Variants in ERBB3 observed in about 807,000 individuals in gnomAD.
ERBB3 encodes erb-b2 receptor tyrosine kinase 3.
ERBB3 carries 96 observed loss-of-function variants against 156.7 expected under a neutral mutation model. That is an observed-to-expected ratio of 0.61 (90% confidence interval 0.52 to 0.73). The LOEUF (loss-of-function observed/expected upper bound fraction) is 0.73. ERBB3 is among the 30% of genes least tolerant of loss of function. The probability of loss-of-function intolerance (pLI) is 0.00; values close to 1 mark genes in which losing one functional copy is unlikely to be tolerated. For synonymous variants in ERBB3, 567 were observed against 632.0 expected, an observed-to-expected ratio of 0.90 and a Z score of 1.54; for missense variants, 1,406 against 1,709.4, an observed-to-expected ratio of 0.82 and a Z score of 3.13.
At chr12:56,100,370 G>A in intron 26 of ERBB3, 125 bp downstream of exon 26, 1 of 819,914 alleles carries the variant, frequency 1.2e-6, no homozygotes, top group African/African-American at 1.7e-5. Context: ...GGCCGGGCGA[G>A]TTGGCTCACA....
At chr12:56,100,732 G>T (rs1869063252) in intron 26 of ERBB3, among the ~76,000 whole-genome samples, 1 of 151,212 alleles carries the variant, frequency 6.6e-6, no homozygotes, top group African/African-American at 2.4e-5. Flanking sequence ...ATGAGGTCAG[G>T]AGTTCGAGAC....
Position 56,088,123 on chromosome 12 carries a change from A to G in ERBB3, c.835A>G (p.Lys279Glu). 6.2e-7 allele frequency: 1 copy of G among 1,614,064 alleles called. No homozygotes were observed. Among genetic ancestry groups the G allele is most frequent in the Non-Finnish European group, 8.5e-7 (1 of 1,179,954 alleles). ...TFQLEPNPHT[K>E]YQYGGVCVAS... ...CCAGCTGGAACCCAATCCCCACACC[A>G]AGTATCAGTATGGAGGAGTTTGTGT... The change falls in exon 7 of 28, where the codon AAG becomes GAG. Residue 279 changes from lysine to glutamate, a missense_variant. By Grantham distance (56) the Lys-to-Glu change is moderately conservative (BLOSUM62 1). Around this residue, in one of 3 missense-constraint regions of ERBB3, gnomAD observed 979 missense variants for 1,219.6 expected, o/e 0.80. Coordinates refer to ENST00000267101, the MANE Select transcript of ERBB3 (RefSeq NM_001982.4).
chr12:56,089,618 G>A (rs1441707094), intron 9 of ERBB3, among the ~76,000 whole-genome samples: 2 of 151,966 alleles, frequency 1.3e-5, no homozygotes, highest in Non-Finnish European at 2.9e-5. Context: ...TGGTGCACAT[G>A]CCTGTAATCC....
intron 23 of ERBB3, 141 bp downstream of exon 23, chr12:56,099,046 C>A (rs553653837): frequency 2.6e-6 from 2 of 768,436 alleles, no homozygotes; most frequent in Admixed American, 5.2e-5. Context: ...ACAACCTCCG[C>A]CTCTCGGGTT....
intron 20 of ERBB3, 144 bp downstream of exon 20, chr12:56,097,374 C>A: frequency 1.3e-6 from 1 of 774,430 alleles, no homozygotes; most frequent in Non-Finnish European, 2.3e-6. Context: ...CTGTTAGGAA[C>A]CAGGCCACAG....
intron 11 of ERBB3, 48 bp downstream of exon 11, chr12:56,093,124 G>A: frequency 3.6e-6 from 5 of 1,395,166 alleles, no homozygotes; most frequent in Non-Finnish European, 5.1e-6. Flanking sequence ...AATGAAGCCT[G>A]TGTCATAGGC....
chr12:56,092,331 G>C lies in ERBB3; in HGVS notation c.1110-416G>C, dbSNP rs561924561. 7.5e-4 allele frequency among the ~76,000 whole-genome samples: 99 copies of C among 132,698 alleles called. 1 individual carries two copies. The highest frequency in any genetic ancestry group is 2.7e-3 in the African/African-American group (98 of 36,560). The allele number at this position is 132,698 out of a possible 152,430, so 87.1% of individuals were successfully genotyped here. ...TTGAACCCAGGAGGTGGAGGTTGCAGTGAGCTGAGATTGCTGCCACTGTAC... is the reference window on the plus strand; with the variant it reads ...TTGAACCCAGGAGGTGGAGGTTGCACTGAGCTGAGATTGCTGCCACTGTAC... On this transcript the variant is annotated intron_variant, in intron 9 of 27. Transcript: ENST00000267101.
At chr12:56,082,128 C>T (rs1004941460) in intron 1 of ERBB3, among the ~76,000 whole-genome samples, 6 of 152,096 alleles carry the variant, frequency 3.9e-5, no homozygotes, top group African/African-American at 1.2e-4. Context: ...CTTATGGGCA[C>T]GTGGGATAGA....
chr12:56,092,941 AAAG>A (rs749128162), intron 10 of ERBB3, 42 bp from the exon 11 acceptor site: 2 of 1,576,092 alleles, frequency 1.3e-6, no homozygotes, highest in South Asian at 1.1e-5. Context: ...AGAACCCAAG[AAAG>A]AAGAAGGCTC....
rs375153329 is a variant in ERBB3, at chr12:56,093,772, G to A, written c.1489G>A (p.Gly497Ser). Reference protein sequence around the residue: ...NRPRRDCVAEGKVCDPLCSSG... With the variant: ...NRPRRDCVAESKVCDPLCSSG... ...CACCCCTTCCTTTCCAGTGGCAGAG[G>A]GCAAAGTGTGTGACCCACTGTGCTC... The change falls in exon 13 of 28, where the codon GGC (glycine) becomes AGC (serine). Residue 497 changes from glycine to serine, a missense_variant. Around this residue, in one of 3 missense-constraint regions of ERBB3, gnomAD observed 979 missense variants for 1,219.6 expected, o/e 0.80. Transcript: ENST00000267101. 8.1e-5 allele frequency: 130 copies of A among 1,613,948 alleles called. No individual in the cohort carries two copies. The highest frequency in any genetic ancestry group is 1.0e-4 in the Non-Finnish European group (118 of 1,180,020).
rs968605060 is a variant in ERBB3, at chr12:56,093,256, C to T, written c.1275-89C>T. ...TCCCTCTCAGTGGATCTGACTAGCACTGAGCAAATTTCTTGACTAACATGA... is the reference window on the plus strand; with the variant it reads ...TCCCTCTCAGTGGATCTGACTAGCATTGAGCAAATTTCTTGACTAACATGA... On this transcript the variant is annotated intron_variant, in intron 11 of 27. Coordinates refer to ENST00000267101, the MANE Select transcript of ERBB3 (RefSeq NM_001982.4). 4 of 1,326,956 alleles carry T rather than the reference C, an allele frequency of 3.0e-6. No individual in the cohort carries two copies. The African/African-American group carries it at 4.3e-5, about 14-fold the overall frequency. The allele number at this position is 1,326,956 out of a possible 1,614,324, so 82.2% of individuals were successfully genotyped here.
At chr12:56,082,854 A>G (rs565402748) in intron 1 of ERBB3, among the ~76,000 whole-genome samples, 2 of 152,266 alleles carry the variant, frequency 1.3e-5, no homozygotes, top group South Asian at 2.1e-4. Flanking sequence ...TCTTCTAACA[A>G]TGAAATTGTG....
chr12:56,097,186 C>T lies in ERBB3; in HGVS notation c.2416C>T (p.Leu806=), dbSNP rs1868917614. The change falls in exon 20 of 28, where the codon CTG becomes TTG. Residue 806 remains leucine (L), a synonymous_variant. Coordinates refer to ENST00000267101, the MANE Select transcript of ERBB3 (RefSeq NM_001982.4). ...LDHVRQHRGA[L]GPQLLLNWGV... ...TCATGTGAGACAACACCGGGGGGCA[C>T]TGGGGCCACAGCTGCTGCTCAACTG... 2 of 1,613,994 alleles carry T rather than the reference C, an allele frequency of 1.2e-6. No individual in the cohort carries two copies. The highest frequency in any genetic ancestry group is 1.7e-6 in the Non-Finnish European group (2 of 1,180,024).
Position 56,099,882 on chromosome 12 carries a change from T to C in ERBB3, c.2982T>C (p.Gly994=). Residue 994 remains glycine (G), a synonymous_variant, in exon 25 of 28, where the codon GGT becomes GGC. Transcript: ENST00000267101. ...PGIAPGPEPH[G]LTNKKLEEVE... is the part of the protein sequence containing the mutation. ...TAGCCCCTGGGCCAGAGCCCCATGG[T>C]CTGACAAACAAGAAGCTAGAGGAAG... 1 of 1,614,120 alleles carries C rather than the reference T, an allele frequency of 6.2e-7. No homozygotes were observed. Among genetic ancestry groups the C allele is most frequent in the Non-Finnish European group, 8.5e-7 (1 of 1,180,032 alleles).
At chr12:56,089,794 C>T (rs1304941390) in intron 9 of ERBB3, among the ~76,000 whole-genome samples, 1 of 151,508 alleles carries the variant, frequency 6.6e-6, no homozygotes, top group African/African-American at 2.4e-5. Flanking sequence ...TGACTTTTAG[C>T]TGTTTTCACT....
rs1869106783 is a variant in ERBB3, at chr12:56,101,578, T to C, written c.3552T>C (p.Ser1184=). ...CCCTTTCTTCAGTGGGTCTCAGTTC[T>C]GTCCTGGGTACTGAAGAAGAAGATG... The part of the protein sequence containing the change: ...EGTLSSVGLS[S]VLGTEEEDED... The change falls in exon 28 of 28, where the codon TCT becomes TCC. Residue 1184 remains serine, a synonymous_variant. Transcript: ENST00000267101. 5 of 1,614,128 alleles carry C rather than the reference T, an allele frequency of 3.1e-6. No homozygotes were observed. The highest frequency in any genetic ancestry group is 3.4e-6 in the Non-Finnish European group (4 of 1,180,014).
chr12:56,083,791 T>G lies in ERBB3; in HGVS notation c.123T>G (p.Asp41Glu). ...TGAATGGCCTGAGTGTGACCGGCGATGCTGAGAACCAATACCAGACACTGT... is the reference window on the plus strand; with the variant it reads ...TGAATGGCCTGAGTGTGACCGGCGAGGCTGAGAACCAATACCAGACACTGT... The part of the protein sequence containing the change: ...GTLNGLSVTG[D>E]AENQYQTLYK... Residue 41 changes from aspartate to glutamate, a missense_variant, in exon 2 of 28, where the codon GAT becomes GAG. Transcript: ENST00000267101. The G allele has an allele frequency of 6.2e-7, 1 of 1,614,142 alleles. No homozygotes were observed. The highest frequency in any genetic ancestry group is 8.5e-7 in the Non-Finnish European group (1 of 1,180,012).
intron 9 of ERBB3, 135 bp from the exon 10 acceptor site, chr12:56,092,612 T>A (rs1592228840): frequency 4.1e-6 from 3 of 737,780 alleles, no homozygotes; most frequent in Admixed American, 1.9e-5. Flanking sequence ...ATTTCCCCCA[T>A]CCCAGCCATT....
In ERBB3 at chr12:56,088,593, A is replaced by T. The variant is rs1272763651; in HGVS notation, c.925A>T (p.Lys309Ter). 1 of 1,614,158 alleles carries T rather than the reference A, an allele frequency of 6.2e-7. No homozygotes were observed. Residue 309 changes from lysine (K) to a stop codon, truncating the protein, a stop_gained, in exon 8 of 28, where the codon AAG becomes TAG. Transcript: ENST00000267101. LOFTEE classifies it high-confidence loss of function. ...TSCVRACPPD[K>*]MEVDKNGLKM... ...CTGTGTCAGGGCCTGTCCTCCTGAC[A>T]AGATGGAAGTAGATAAAAATGGGCT... is the stretch of plus-strand genomic sequence containing the variant.
Sources: allele counts gnomAD v4.1 joint callset (sites outside exome capture counted in the v4.1 genomes callset), GRCh38; gene constraint gnomAD v4.1.1; regional missense constraint gnomAD v4.1.1; transcripts MANE v1.5; gene names NCBI Gene and HGNC (gene_info 2026-07-23, HGNC 2026-07-21).